The following RNF216 variants were observed in gnomAD, a reference collection of about 807,000 sequenced individuals.
RNF216 encodes the protein E3 ubiquitin-protein ligase RNF216.
RNF216 carries 72 observed loss-of-function variants against 110.8 expected under a neutral mutation model. The observed-to-expected ratio is 0.65, with a 90% CI of 0.54 to 0.79. RNF216 has a LOEUF of 0.79. Among genes scored for constraint, RNF216 ranks in the 30% least tolerant of loss-of-function variants. RNF216 has a pLI of 0.00. For missense variants in RNF216, 1,342 were observed against 1,141.2 expected (o/e 1.18, Z -2.54); for synonymous variants, 495 against 407.5 (o/e 1.21, Z -2.59).
intron 13 of RNF216, among the ~76,000 whole-genome samples, chr7:5,703,061 G>C (rs757915996): frequency 6.6e-6 from 1 of 152,184 alleles, no homozygotes; most frequent in Non-Finnish European, 1.5e-5. Flanking sequence ...TCTGAAGAAA[G>C]TGACTCACCT....
In RNF216 at chr7:5,641,964, T is replaced by A. The variant is rs1386088430; in HGVS notation, c.2160-588A>T. 7.3e-5 allele frequency among the ~76,000 whole-genome samples: 10 copies of A among 136,740 alleles called. No individual in the cohort carries two copies. The East Asian group carries it at 2.0e-3, about 27-fold the overall frequency. 89.7% of individuals were successfully genotyped at this position (136,740 alleles called of 152,430 possible). A position where few individuals can be genotyped will look rare whatever the true frequency, so the allele number is the denominator to read the frequency against. ...AGGAGAATCGCTTAAACCCGGGAGGTGAAGGCTGCAGTGAGCTGAGACCGT... is the reference window on the plus strand; with the variant it reads ...AGGAGAATCGCTTAAACCCGGGAGGAGAAGGCTGCAGTGAGCTGAGACCGT... On this transcript the variant is annotated intron_variant, in intron 14 of 16. Coordinates refer to ENST00000389902, the MANE Select transcript of RNF216 (RefSeq NM_207111.4).
At chr7:5,740,104 C>CTTTTTTTTTTTTTTTTTTTTT (rs71004698) in intron 4 of RNF216, among the ~76,000 whole-genome samples, 5 of 118,500 alleles carry the variant, frequency 4.2e-5, no homozygotes, top group Non-Finnish European at 8.7e-5. Flanking sequence ...GATGTAACAC[C>CTTTTTTTTTTTTTTTTTTTTT]TTTTTTTTTT....
At chr7:5,685,668 G>C (rs1229031263) in intron 13 of RNF216, among the ~76,000 whole-genome samples, 1 of 152,212 alleles carries the variant, frequency 6.6e-6, no homozygotes, top group Non-Finnish European at 1.5e-5. Context: ...CCTGACATCA[G>C]TCCTGGTCTC....
At chr7:5,750,813 A>C (rs1351531147) in intron 3 of RNF216, among the ~76,000 whole-genome samples, 1 of 152,174 alleles carries the variant, frequency 6.6e-6, no homozygotes, top group Non-Finnish European at 1.5e-5. Flanking sequence ...TGAAAATTTC[A>C]CCATCAGTAG....
intron 9 of RNF216, among the ~76,000 whole-genome samples, chr7:5,720,349 G>A (rs947935549): frequency 1.3e-5 from 2 of 152,118 alleles, no homozygotes; most frequent in African/African-American, 4.8e-5. Flanking sequence ...TAATGAATAT[G>A]AAATATATTT....
At chr7:5,687,238 A>G (rs1303797030) in intron 13 of RNF216, among the ~76,000 whole-genome samples, 2 of 152,086 alleles carry the variant, frequency 1.3e-5, no homozygotes, top group Non-Finnish European at 2.9e-5. Context: ...TCTACTAAAA[A>G]TACAAAAATA....
intron 13 of RNF216, among the ~76,000 whole-genome samples, chr7:5,662,838 G>C (rs1297031702): frequency 6.6e-6 from 1 of 152,080 alleles, no homozygotes; most frequent in Non-Finnish European, 1.5e-5. Context: ...TGTCAGGGAA[G>C]GCTTGTGTAG....
intron 15 of RNF216, among the ~76,000 whole-genome samples, chr7:5,625,034 G>A (rs1035764562): frequency 2.6e-5 from 4 of 152,320 alleles, no homozygotes; most frequent in South Asian, 2.1e-4. Flanking sequence ...ACTGAAAGAC[G>A]ATTAACTGGA....
intron 13 of RNF216, among the ~76,000 whole-genome samples, chr7:5,653,540 G>C (rs997158961): frequency 1.2e-4 from 17 of 137,214 alleles, no homozygotes; most frequent in African/African-American, 4.6e-4. Flanking sequence ...GGCGGAGCTT[G>C]CAGTGAGCCG....
rs148953678 is a variant in RNF216 at position 5,660,908 on chromosome 7, T to C, written c.2062-8398A>G. The stretch of plus-strand genomic sequence containing the variant: ...TAACAGAGGTCTAAAACTCCTGCTT[T>C]TCACAGTACTAGCTCCATGCTCCTG... On this transcript the variant is annotated intron_variant, in intron 13 of 16. Coordinates refer to ENST00000389902, the MANE Select transcript of RNF216 (RefSeq NM_207111.4). 7.8e-4 allele frequency among the ~76,000 whole-genome samples: 118 copies of C among 150,378 alleles called. 1 individual carries two copies. The highest frequency in any genetic ancestry group is 1.9e-3 in the Admixed American group (29 of 15,070).
At chr7:5,724,762 A>AGTT (rs1793646505) in intron 8 of RNF216, among the ~76,000 whole-genome samples, 1 of 152,214 alleles carries the variant, frequency 6.6e-6, no homozygotes, top group Non-Finnish European at 1.5e-5. Context: ...GTTGTAGTAA[A>AGTT]CGCCTTTACT....
At position 5,620,285 on chromosome 7, in the gene RNF216, CAAGT is replaced by C. The variant is rs1786273322; in HGVS notation, c.*2571_*2574del. The C allele has an allele frequency of 6.6e-6, 1 of 152,160 alleles. No individual in the cohort carries two copies. Among genetic ancestry groups the C allele is most frequent in the Non-Finnish European group, 1.5e-5 (1 of 68,028 alleles). 9.4% of individuals were successfully genotyped at this position (152,160 alleles called of 1,614,324 possible). A position where few individuals can be genotyped will look rare whatever the true frequency, so the allele number is the denominator to read the frequency against. On this transcript the variant is annotated 3_prime_UTR_variant, in exon 17 of 17. Coordinates refer to ENST00000389902, the MANE Select transcript of RNF216 (RefSeq NM_207111.4). ...TAGATTCCTCTCTCCAGTTTTAAGG[CAAGT>C]AAGAGGGGGCTGTGGCTGGGGAGCC...
intron 1 of RNF216, among the ~76,000 whole-genome samples, chr7:5,772,158 G>A (rs916229195): frequency 2.0e-5 from 3 of 152,086 alleles, no homozygotes; most frequent in African/African-American, 4.8e-5. Flanking sequence ...GTTTGAACCC[G>A]GGAGGTGGAG....
At chr7:5,774,417 C>T (rs79538028) in intron 1 of RNF216, among the ~76,000 whole-genome samples, 12,339 of 152,078 alleles carry the variant, frequency 0.081, 604 homozygotes, top group African/African-American at 0.12. Flanking sequence ...CCAGCATAGG[C>T]GGCAGAGGGA....
At chr7:5,711,594 G>A (rs1259508093) in intron 13 of RNF216, among the ~76,000 whole-genome samples, 167 bp downstream of exon 13, 3 of 152,194 alleles carry the variant, frequency 2.0e-5, no homozygotes, top group Non-Finnish European at 2.9e-5. Flanking sequence ...CAGTAACCAT[G>A]TCAACCGTTA....
chr7:5,644,259 C>A (rs972664032), intron 14 of RNF216, among the ~76,000 whole-genome samples: 1 of 152,142 alleles, frequency 6.6e-6, no homozygotes, highest in East Asian at 1.9e-4. Flanking sequence ...GGAAAGCCAA[C>A]TGTTAACTAT....
chr7:5,726,443 C>T (rs1793758173), intron 7 of RNF216, among the ~76,000 whole-genome samples: 1 of 152,190 alleles, frequency 6.6e-6, no homozygotes, highest in Non-Finnish European at 1.5e-5. Flanking sequence ...TCTGTGTGCA[C>T]CTATATCCAC....
At chr7:5,730,373 T>C (rs1794016869) in intron 6 of RNF216, among the ~76,000 whole-genome samples, 1 of 152,190 alleles carries the variant, frequency 6.6e-6, no homozygotes, top group African/African-American at 2.4e-5. Flanking sequence ...GTTTGAAAAT[T>C]TTCATAATAA....
At chr7:5,638,394 A>G (rs1344004827) in intron 15 of RNF216, among the ~76,000 whole-genome samples, 1 of 152,164 alleles carries the variant, frequency 6.6e-6, no homozygotes, top group African/African-American at 2.4e-5. Flanking sequence ...AACTTGTCCA[A>G]CTGTCTCCTG....
Sources: allele counts gnomAD v4.1 joint callset (sites outside exome capture counted in the v4.1 genomes callset), GRCh38; gene constraint gnomAD v4.1.1; transcripts MANE v1.5; gene names NCBI Gene and HGNC (gene_info 2026-07-23, HGNC 2026-07-21).